Variants in CCDC7 observed in about 807,000 individuals in gnomAD.
The protein encoded by CCDC7 is coiled-coil domain containing 7.
CCDC7 carries 183 observed loss-of-function variants against 196.9 expected under a neutral mutation model. The ratio of observed to expected loss-of-function variants is 0.93; its 90% CI spans 0.82 to 1.05. The LOEUF is 1.05. CCDC7 is among the 50% of genes least tolerant of loss of function. The pLI, the probability that CCDC7 is intolerant of heterozygous loss-of-function variation, is 0.00. For missense variants in CCDC7, 1,540 were observed against 1,482.2 expected, an observed-to-expected ratio of 1.04 and a Z score of -0.64; for synonymous variants, 525 against 484.6, an observed-to-expected ratio of 1.08 and a Z score of -1.10.
chr10:32,569,359 A>AT (rs1260579359), intron 15 of CCDC7, among the ~76,000 whole-genome samples: 11 of 152,162 alleles, frequency 7.2e-5, no homozygotes, highest in African/African-American at 2.7e-4. Flanking sequence ...TATTAAAACT[A>AT]TTTTTGCTGA....
At chr10:32,541,667 C>T (rs1987197) in intron 11 of CCDC7, among the ~76,000 whole-genome samples, 17,250 of 152,236 alleles carry the variant, frequency 0.11, 1,173 homozygotes, top group South Asian at 0.27. Flanking sequence ...GAGGCAGTGA[C>T]ATTGGTGCTG....
At chr10:32,813,630 C>A (rs1051266021) in intron 30 of CCDC7, among the ~76,000 whole-genome samples, 4 of 152,128 alleles carry the variant, frequency 2.6e-5, no homozygotes, top group African/African-American at 9.7e-5. Context: ...AATGTTCCAC[C>A]TCACATAGTA....
chr10:32,511,228 C>G, intron 9 of CCDC7: 2 of 686,686 alleles, frequency 2.9e-6, no homozygotes, highest in Non-Finnish European at 4.9e-6. Context: ...CACATTTAAA[C>G]CTTGTCCTGC....
At chr10:32,705,297 T>G (rs1222313528) in intron 24 of CCDC7, among the ~76,000 whole-genome samples, 2 of 152,006 alleles carry the variant, frequency 1.3e-5, no homozygotes, top group African/African-American at 2.4e-5. Context: ...CAGGCCTGCC[T>G]TACAAAAGCT....
At chr10:32,810,342 G>C (rs1464479804) in intron 30 of CCDC7, among the ~76,000 whole-genome samples, 1 of 151,948 alleles carries the variant, frequency 6.6e-6, no homozygotes, top group African/African-American at 2.4e-5. Flanking sequence ...CATGCAAACA[G>C]AAAACAAAAG....
intron 3 of CCDC7, among the ~76,000 whole-genome samples, chr10:32,456,993 TGTG>T (rs1299827687): frequency 6.6e-5 from 10 of 151,428 alleles, no homozygotes; most frequent in Non-Finnish European, 8.8e-5. Flanking sequence ...AGCATTTCCT[TGTG>T]GTGGGAACAT....
Position 32,790,812 on chromosome 10 carries a change from C to T in CCDC7, c.3013+11728C>T, listed in dbSNP as rs1277393716. Among the ~76,000 whole-genome samples, 3 of 152,132 alleles carry T rather than the reference C, an allele frequency of 2.0e-5. No homozygotes were observed. In the East Asian group the frequency reaches 5.8e-4, roughly 29 times the overall value. On this transcript the variant is annotated intron_variant, in intron 29 of 41. Transcript: ENST00000639629. ...CAGTTTTGTGGAAGATTTGCATCCACCTGTGCCTCAGAGAGTAAACCTGAT... is the reference window on the plus strand; with the variant it reads ...CAGTTTTGTGGAAGATTTGCATCCATCTGTGCCTCAGAGAGTAAACCTGAT...
intron 41 of CCDC7, among the ~76,000 whole-genome samples, chr10:32,875,278 A>C (rs978345491): frequency 2.6e-5 from 4 of 152,020 alleles, no homozygotes; most frequent in African/African-American, 9.7e-5. Context: ...TTTTACATTT[A>C]AGTCTTTAAT....
intron 25 of CCDC7, among the ~76,000 whole-genome samples, chr10:32,722,118 A>G (rs2082499463): frequency 6.6e-6 from 1 of 152,062 alleles, no homozygotes; most frequent in Non-Finnish European, 1.5e-5. Flanking sequence ...TTTCTCCCCT[A>G]GTTCATGGAT....
chr10:32,636,762 T>G (rs1048065449), intron 20 of CCDC7, among the ~76,000 whole-genome samples: 4 of 152,212 alleles, frequency 2.6e-5, no homozygotes, highest in Non-Finnish European at 5.9e-5. Flanking sequence ...GATGGCTGGG[T>G]CAAATGGTAT....
intron 11 of CCDC7, among the ~76,000 whole-genome samples, chr10:32,531,068 TAA>T (rs2049579573): frequency 6.6e-6 from 1 of 152,228 alleles, no homozygotes; most frequent in Admixed American, 6.5e-5. Flanking sequence ...TATTGATTTG[TAA>T]ACATTGAACC....
rs537508725 is a variant in CCDC7 at position 32,627,942 on chromosome 10, T to C, written c.1802-6312T>C. 2.6e-5 allele frequency among the ~76,000 whole-genome samples: 4 copies of C among 152,106 alleles called. No individual in the cohort carries two copies. In the South Asian group the frequency reaches 8.3e-4, roughly 32 times the overall value. The stretch of plus-strand genomic sequence containing the variant: ...GTATTTTGTTGAGTATCTTTGCATC[T>C]ATGTTCATCAAGGATATTGGTCAGT... On this transcript the variant is annotated intron_variant, in intron 18 of 41. Coordinates refer to ENST00000639629, the Ensembl canonical transcript of CCDC7.
rs142971955 is a variant in CCDC7, at chr10:32,638,614, C to T, written c.2014+3456C>T. On this transcript the variant is annotated intron_variant, in intron 20 of 41. Transcript: ENST00000639629. Reference sequence around the variant, plus strand: ...CATGGTGGATAAGCTTTCTGATGTGCTTCTGGATTCAGTTTGCCAGTATTT... The same window carrying T: ...CATGGTGGATAAGCTTTCTGATGTGTTTCTGGATTCAGTTTGCCAGTATTT... Among the ~76,000 whole-genome samples, 1,339 of 152,176 alleles carry T rather than the reference C, an allele frequency of 8.8e-3. 15 individuals are homozygous for T. The highest frequency in any genetic ancestry group is 0.029 in the African/African-American group (1,219 of 41,444).
At chr10:32,635,716 A>G (rs1337704557) in intron 20 of CCDC7, among the ~76,000 whole-genome samples, 2 of 151,938 alleles carry the variant, frequency 1.3e-5, no homozygotes, top group Non-Finnish European at 2.9e-5. Context: ...TCTGATTGGT[A>G]TTTGCATGAT....
rs188446057 is a variant in CCDC7 at position 32,596,736 on chromosome 10, C to T, written c.1801+12432C>T. 2.4e-4 allele frequency among the ~76,000 whole-genome samples: 37 copies of T among 152,300 alleles called. 1 individual carries two copies. Among genetic ancestry groups the T allele is most frequent in the Admixed American group, 2.2e-3 (34 of 15,296 alleles). On this transcript the variant is annotated intron_variant, in intron 18 of 41. Coordinates refer to ENST00000639629, the Ensembl canonical transcript of CCDC7. ...GGCAGGCGTTGTGATAACAAAATCTCTCCGCATTTGTTTGTCTGTAAAGTA... is the reference window on the plus strand; with the variant it reads ...GGCAGGCGTTGTGATAACAAAATCTTTCCGCATTTGTTTGTCTGTAAAGTA...
rs1304219731 is a variant in CCDC7 at position 32,543,399 on chromosome 10, A to G, written c.1079+14A>G. ...GGATTCAGAAAAGTAAGACATAAAG[A>G]TACATGTTAATCTTTTTTTCCTTGT... On this transcript the variant is annotated intron_variant, in intron 12 of 41. Transcript: ENST00000639629. The G allele has an allele frequency of 7.5e-7, 1 of 1,329,546 alleles. No individual in the cohort carries two copies. The allele number at this position is 1,329,546 out of a possible 1,614,324, so 82.4% of individuals were successfully genotyped here. A position where few individuals can be genotyped will look rare whatever the true frequency, so the allele number is the denominator to read the frequency against.
Position 32,726,843 on chromosome 10 carries a change from T to A in CCDC7, c.2668+11T>A, listed in dbSNP as rs1320056129. ...GGGAAAGGCGTAATAGTAAGTGTAG[T>A]AATTATAGATGACTTTAAATTATTT... is the stretch of plus-strand genomic sequence containing the variant. On this transcript the variant is annotated intron_variant, in intron 26 of 41. Transcript: ENST00000639629. 1.4e-6 allele frequency: 2 copies of A among 1,427,822 alleles called. No homozygotes were observed. Among genetic ancestry groups the A allele is most frequent in the East Asian group, 4.6e-5 (2 of 43,524 alleles). 88.4% of individuals were successfully genotyped at this position (1,427,822 alleles called of 1,614,324 possible). A position where few individuals can be genotyped will look rare whatever the true frequency, so the allele number is the denominator to read the frequency against.
At position 32,694,664 on chromosome 10, in the gene CCDC7, A is replaced by G. The variant is rs1344045292; in HGVS notation, c.2345-215A>G. ...ATAAGGAAACTAGTGACTAATATAT[A>G]TCAGATGCCTAGAAATGTTATGAAA... On this transcript the variant is annotated intron_variant, in intron 23 of 41. Coordinates refer to ENST00000639629, the Ensembl canonical transcript of CCDC7. 2.6e-5 allele frequency among the ~76,000 whole-genome samples: 4 copies of G among 152,300 alleles called. 1 individual carries two copies. Among genetic ancestry groups the G allele is most frequent in the Admixed American group, 2.6e-4 (4 of 15,296 alleles).
chr10:32,764,836 G>A (rs1283211848), intron 28 of CCDC7, among the ~76,000 whole-genome samples: 4 of 150,154 alleles, frequency 2.7e-5, no homozygotes, highest in African/African-American at 7.6e-5. Context: ...GAATAATTGG[G>A]TCTCAGAGGC....
Sources: gnomAD v4.1 joint callset for allele counts (sites outside exome capture counted in the v4.1 genomes callset) on GRCh38, gnomAD v4.1.1 for gene constraint, MANE v1.5 for transcripts, NCBI Gene and HGNC (gene_info 2026-07-23, HGNC 2026-07-21) for gene names.